The following GRIN2B variants were observed in gnomAD, a reference collection of about 807,000 sequenced individuals.
GRIN2B encodes glutamate receptor ionotropic, NMDA 2B.
Under a neutral mutation model 114.5 loss-of-function variants are expected in GRIN2B, and 5 were observed. The observed-to-expected ratio is 0.04, with a 90% CI of 0.02 to 0.09. GRIN2B has a LOEUF of 0.09. Among genes scored for constraint, GRIN2B ranks in the 10% least tolerant of loss-of-function variants. GRIN2B has a pLI of 1.00. For missense variants in GRIN2B, 1,108 were observed against 1,943.5 expected (o/e 0.57, Z 8.08); for synonymous variants, 787 against 745.1 (o/e 1.06, Z -0.92).
chr12:13,968,641 A>G (rs1021675817), intron 2 of GRIN2B, among the ~76,000 whole-genome samples: 3 of 152,236 alleles, frequency 2.0e-5, no homozygotes, highest in Admixed American at 1.3e-4. Flanking sequence ...ATCCTCTTTC[A>G]TAATAGAAAG....
intron 3 of GRIN2B, among the ~76,000 whole-genome samples, chr12:13,775,309 G>A (rs1199594257): frequency 2.0e-5 from 3 of 152,150 alleles, no homozygotes; most frequent in Admixed American, 2.0e-4. Context: ...AGAGCTCTGT[G>A]GTAAGATTGT....
At chr12:13,916,153 T>G (rs984248457) in intron 2 of GRIN2B, among the ~76,000 whole-genome samples, 1 of 152,136 alleles carries the variant, frequency 6.6e-6, no homozygotes, top group Non-Finnish European at 1.5e-5. Context: ...GGGGGACTTT[T>G]TGAAAATGAG....
At chr12:13,839,936 G>A (rs887568122) in intron 3 of GRIN2B, among the ~76,000 whole-genome samples, 4 of 152,292 alleles carry the variant, frequency 2.6e-5, no homozygotes, top group African/African-American at 9.6e-5. Context: ...GCATATGCAT[G>A]TATATTTATC....
intron 3 of GRIN2B, among the ~76,000 whole-genome samples, chr12:13,852,470 T>TAACAA (rs1017086826): frequency 5.3e-5 from 8 of 152,118 alleles, no homozygotes; most frequent in African/African-American, 1.4e-4. Context: ...TTTGTAAAAA[T>TAACAA]AACAAAACAA....
At chr12:13,908,185 C>G (rs1219553044) in intron 2 of GRIN2B, among the ~76,000 whole-genome samples, 1 of 151,758 alleles carries the variant, frequency 6.6e-6, no homozygotes, top group Non-Finnish European at 1.5e-5. Flanking sequence ...TCTCTATCAT[C>G]CAAGAAAAAA....
chr12:13,770,513 G>T (rs138024046), intron 3 of GRIN2B, among the ~76,000 whole-genome samples: 1 of 152,220 alleles, frequency 6.6e-6, no homozygotes, highest in Admixed American at 6.5e-5. Context: ...AGGCTTCACA[G>T]AAATTTGGTG....
chr12:13,913,393 T>C (rs936293602), intron 2 of GRIN2B, among the ~76,000 whole-genome samples: 1 of 152,190 alleles, frequency 6.6e-6, no homozygotes, highest in Non-Finnish European at 1.5e-5. Flanking sequence ...CAGAAGGCTC[T>C]AACAGTGCCC....
chr12:13,739,024 T>C lies in GRIN2B; in HGVS notation c.1010+14293A>G, dbSNP rs147327815. 4.0e-3 allele frequency among the ~76,000 whole-genome samples: 604 copies of C among 152,180 alleles called. 3 individuals are homozygous for C. Among genetic ancestry groups the C allele is most frequent in the African/African-American group, 0.014 (580 of 41,518 alleles). On this transcript the variant is annotated intron_variant, in intron 4 of 13. Coordinates refer to ENST00000609686, the MANE Select transcript of GRIN2B (RefSeq NM_000834.5). ...GCACGGGAGGAAGTCAGCACATCAA[T>C]ACATCCCTGAGGCTGTTGAGTCAGT... is the stretch of plus-strand genomic sequence containing the variant.
intron 4 of GRIN2B, among the ~76,000 whole-genome samples, chr12:13,729,113 A>T (rs1454789543): frequency 1.3e-5 from 2 of 152,174 alleles, no homozygotes; most frequent in Non-Finnish European, 2.9e-5. Context: ...TCTAAGAGGG[A>T]TGTTTTATTT....
chr12:13,574,319 A>AAGAT (rs1948745661), intron 10 of GRIN2B, among the ~76,000 whole-genome samples: 1 of 152,258 alleles, frequency 6.6e-6, no homozygotes, highest in Non-Finnish European at 1.5e-5. Context: ...TGTTTGAAGA[A>AAGAT]AGATATTCCT....
chr12:13,717,174 G>C (rs1950463182), intron 4 of GRIN2B, among the ~76,000 whole-genome samples: 1 of 151,096 alleles, frequency 6.6e-6, no homozygotes, highest in Non-Finnish European at 1.5e-5. Flanking sequence ...GTAAAGCTGA[G>C]GTATGGACAG....
intron 13 of GRIN2B, among the ~76,000 whole-genome samples, chr12:13,565,145 T>C (rs1948621272): frequency 6.6e-6 from 1 of 152,212 alleles, no homozygotes; most frequent in South Asian, 2.1e-4. Context: ...ACTGTCACTC[T>C]TTTCTAGCTC....
intron 5 of GRIN2B, among the ~76,000 whole-genome samples, chr12:13,620,902 AAAT>A (rs1282389118): frequency 1.3e-5 from 2 of 151,936 alleles, no homozygotes; most frequent in Admixed American, 1.3e-4. Flanking sequence ...AATGAAAAAA[AAAT>A]AAGAGGGAAA....
intron 5 of GRIN2B, among the ~76,000 whole-genome samples, chr12:13,661,344 C>T (rs1164906523): frequency 6.6e-6 from 1 of 152,174 alleles, no homozygotes; most frequent in Admixed American, 6.5e-5. Flanking sequence ...CATTGTCTGA[C>T]AAACAGAAAA....
intron 5 of GRIN2B, among the ~76,000 whole-genome samples, chr12:13,661,530 T>A (rs986787988): frequency 2.0e-5 from 3 of 152,174 alleles, no homozygotes; most frequent in Non-Finnish European, 4.4e-5. Context: ...CAAAAGGCTG[T>A]GTCAGCTCCA....
At chr12:13,774,821 T>C (rs1249747452) in intron 3 of GRIN2B, among the ~76,000 whole-genome samples, 1 of 152,170 alleles carries the variant, frequency 6.6e-6, no homozygotes, top group African/African-American at 2.4e-5. Context: ...CTTGATCAAA[T>C]AGAGTTTACA....
intron 5 of GRIN2B, among the ~76,000 whole-genome samples, chr12:13,662,479 C>G (rs1464097532): frequency 1.3e-5 from 2 of 152,202 alleles, no homozygotes; most frequent in African/African-American, 4.8e-5. Context: ...CCTTAAGAGT[C>G]TGACAGCCAC....
At chr12:13,661,182 C>G (rs1949919238) in intron 5 of GRIN2B, among the ~76,000 whole-genome samples, 1 of 152,194 alleles carries the variant, frequency 6.6e-6, no homozygotes, top group African/African-American at 2.4e-5. Context: ...CCTTGGATCA[C>G]TCCAATTCTC....
At chr12:13,646,402 C>A (rs1949762077) in intron 5 of GRIN2B, among the ~76,000 whole-genome samples, 1 of 152,104 alleles carries the variant, frequency 6.6e-6, no homozygotes, top group African/African-American at 2.4e-5. Flanking sequence ...CTGTTTAAAT[C>A]CTCACTGTAA....
Sources: allele counts gnomAD v4.1 joint callset (sites outside exome capture counted in the v4.1 genomes callset), GRCh38; gene constraint gnomAD v4.1.1; transcripts MANE v1.5; gene names NCBI Gene and HGNC (gene_info 2026-07-23, HGNC 2026-07-21).